Variants in ZNF341 observed in about 807,000 individuals in gnomAD.
ZNF341 encodes zinc finger protein 341.
Under a neutral mutation model 87.7 loss-of-function variants are expected in ZNF341, and 52 were observed. That is an observed-to-expected ratio of 0.59 (90% CI 0.47 to 0.75). The LOEUF is 0.75. ZNF341 is among the 30% of genes least tolerant of loss of function. ZNF341 has a pLI of 0.00. For missense variants in ZNF341, 977 were observed against 1,145.9 expected, an observed-to-expected ratio of 0.85 and a Z score of 2.13; for synonymous variants, 459 against 472.7, an observed-to-expected ratio of 0.97 and a Z score of 0.38.
intron 12 of ZNF341, among the ~76,000 whole-genome samples, chr20:33,784,674 G>A (rs2122734011): frequency 6.6e-6 from 1 of 150,720 alleles, no homozygotes; most frequent in South Asian, 2.1e-4. Context: ...GGAGTGCGGT[G>A]GCAGATCTTG....
intron 4 of ZNF341, 63 bp downstream of exon 4, chr20:33,749,135 T>C: frequency 6.4e-7 from 1 of 1,553,732 alleles, no homozygotes; most frequent in Admixed American, 1.8e-5. Flanking sequence ...CTCCTGCAGA[T>C]TCAGAATCTT....
chr20:33,789,670 G>C, intron 14 of ZNF341, 82 bp downstream of exon 14: 1 of 1,468,552 alleles, frequency 6.8e-7, no homozygotes, highest in Non-Finnish European at 9.5e-7. Context: ...AGAAAGAGCA[G>C]ACATATCCTG....
In ZNF341 at chr20:33,757,264, C is replaced by T. The variant is rs762729020; in HGVS notation, c.858C>T (p.Thr286=). Residue 286 remains threonine (T), a synonymous_variant, in exon 6 of 15, where the codon ACC becomes ACT. Coordinates refer to ENST00000375200, the MANE Select transcript of ZNF341 (RefSeq NM_001282933.2). The part of the protein sequence containing the change: ...PNPAAPMTSA[T]GGTVATFDSP... ...CCGCCGCCCCCATGACCAGCGCCACCGGGGGCACGGTGGCCACCTTTGACT... is the reference window on the plus strand; with the variant it reads ...CCGCCGCCCCCATGACCAGCGCCACTGGGGGCACGGTGGCCACCTTTGACT... 2.6e-5 allele frequency: 42 copies of T among 1,605,884 alleles called. No homozygotes were observed. Among genetic ancestry groups the T allele is most frequent in the East Asian group, 1.4e-4 (6 of 43,922 alleles).
chr20:33,748,288 T>G (rs2018978449), intron 3 of ZNF341, among the ~76,000 whole-genome samples: 1 of 151,952 alleles, frequency 6.6e-6, no homozygotes, highest in Non-Finnish European at 1.5e-5. Context: ...GCCAGGATGG[T>G]CTCGATCTCT....
At position 33,745,265 on chromosome 20, in the gene ZNF341, C is replaced by A; in HGVS notation, c.305C>A (p.Ala102Glu). 6.2e-7 allele frequency: 1 copy of A among 1,614,060 alleles called. No homozygotes were observed. The highest frequency in any genetic ancestry group is 1.1e-5 in the South Asian group (1 of 91,080). The change falls in exon 3 of 15, where the codon GCG becomes GAG. Residue 102 changes from alanine to glutamate, a missense_variant. Physicochemically the swap from Ala to Glu is moderately radical, Grantham distance 107 (BLOSUM62 -1). Coordinates refer to ENST00000375200, the MANE Select transcript of ZNF341 (RefSeq NM_001282933.2). The part of the protein sequence containing the change: ...SIYPPSAAPT[A>E]VQQAPTPANR... The stretch of plus-strand genomic sequence containing the variant: ...TACCCACCTTCGGCAGCACCCACAG[C>A]GGTCCAGCAGGCCCCAACTCCTGCC...
intron 3 of ZNF341, among the ~76,000 whole-genome samples, chr20:33,748,485 C>T (rs2018985444): frequency 6.6e-6 from 1 of 151,998 alleles, no homozygotes; most frequent in Admixed American, 6.6e-5. Context: ...TTTTTAGAGA[C>T]AGAGTCTCTA....
intron 5 of ZNF341, among the ~76,000 whole-genome samples, chr20:33,755,988 C>T (rs1291342057): frequency 2.6e-5 from 4 of 151,924 alleles, no homozygotes; most frequent in South Asian, 4.1e-4. Flanking sequence ...TTTGGGAGCC[C>T]GAGGTGGGTG....
chr20:33,748,892 TCTCA>T (rs1420992843), intron 3 of ZNF341, 27 bp from the exon 4 acceptor site: 13 of 1,589,594 alleles, frequency 8.2e-6, no homozygotes, highest in African/African-American at 1.3e-5. Flanking sequence ...TCTCTCTCCG[TCTCA>T]CTCATTCTCT....
At chr20:33,764,039 T>TTC (rs2019347233) in intron 8 of ZNF341, among the ~76,000 whole-genome samples, 2 of 150,124 alleles carry the variant, frequency 1.3e-5, no homozygotes, top group African/African-American at 4.9e-5. Flanking sequence ...TTTTTTTTTT[T>TTC]TCTGAGACGG....
At position 33,740,929 on chromosome 20, in the gene ZNF341, TC is replaced by T; in HGVS notation, c.61del (p.Gln21SerfsTer49). On this transcript the variant is annotated frameshift_variant, in exon 2 of 15. Transcript: ENST00000375200. LOFTEE classifies it high-confidence loss of function. ...ATGGACAATCAGACCGTTCTGGCTG[TC>T]CAGTCATTATTGGATGGCCAAGGAG... ...EGMDNQTVLA[V>X]QSLLDGQGAV... 1 of 1,614,200 alleles carries T rather than the reference TC, an allele frequency of 6.2e-7. No homozygotes were observed. Among genetic ancestry groups the T allele is most frequent in the Non-Finnish European group, 8.5e-7 (1 of 1,180,044 alleles).
chr20:33,772,615 G>A (rs1048266534), intron 10 of ZNF341, among the ~76,000 whole-genome samples: 1 of 152,210 alleles, frequency 6.6e-6, no homozygotes, highest in African/African-American at 2.4e-5. Context: ...TCTGAACTGA[G>A]TTTTGAAGGA....
chr20:33,747,333 TGGCCGGGCGCGG>T (rs2018949220), intron 3 of ZNF341, among the ~76,000 whole-genome samples: 1 of 150,322 alleles, frequency 6.7e-6, no homozygotes, highest in African/African-American at 2.5e-5. Flanking sequence ...ACAGTCATTT[TGGCCGGGCGCGG>T]TGGCTCACGC....
intron 11 of ZNF341, among the ~76,000 whole-genome samples, 189 bp from the exon 12 acceptor site, chr20:33,783,543 G>T (rs1238262670): frequency 6.6e-6 from 1 of 152,154 alleles, no homozygotes; most frequent in Non-Finnish European, 1.5e-5. Context: ...GGGCAGACAT[G>T]TTTTGTCCGG....
At chr20:33,764,709 T>C (rs2019370164) in intron 8 of ZNF341, among the ~76,000 whole-genome samples, 1 of 150,750 alleles carries the variant, frequency 6.6e-6, no homozygotes, top group African/African-American at 2.4e-5. Flanking sequence ...TAACATATAA[T>C]ATAAAGATTG....
chr20:33,737,005 G>A (rs1484231976), intron 1 of ZNF341, among the ~76,000 whole-genome samples: 1 of 152,176 alleles, frequency 6.6e-6, no homozygotes, highest in Non-Finnish European at 1.5e-5. Flanking sequence ...AGTAAAGGAG[G>A]CACAGAAAGG....
chr20:33,783,924 T>G (rs1044840532), intron 12 of ZNF341, 60 bp downstream of exon 12: 2 of 1,353,810 alleles, frequency 1.5e-6, no homozygotes, highest in African/African-American at 5.1e-5. Context: ...CCCCCTCTCC[T>G]CATGCCTTTC....
intron 6 of ZNF341, among the ~76,000 whole-genome samples, chr20:33,758,395 C>T (rs1161372836): frequency 6.6e-6 from 1 of 152,140 alleles, no homozygotes; most frequent in Non-Finnish European, 1.5e-5. Flanking sequence ...GAGTCCACTG[C>T]AGCTGGATGG....
rs1413847335 is a variant in ZNF341 at position 33,761,971 on chromosome 20, A to G, written c.1138A>G (p.Ser380Gly). The G allele has an allele frequency of 1.2e-6, 2 of 1,608,630 alleles. No individual in the cohort carries two copies. Among genetic ancestry groups the G allele is most frequent in the East Asian group, 4.5e-5 (2 of 44,754 alleles). ...CCACAAGGTGTGGCCTCCAGGACAC[A>G]GTGGTGGCACCGTGTCTCGAAACTC... ...QTHKVWPPGH[S>G]GGTVSRNSVT... Residue 380 changes from serine (S) to glycine (G), a missense_variant, in exon 8 of 15, where the codon AGT becomes GGT. Ser to Gly is a moderately conservative substitution (Grantham distance 56, BLOSUM62 0). Transcript: ENST00000375200.
intron 1 of ZNF341, among the ~76,000 whole-genome samples, chr20:33,736,442 C>T (rs2018686649): frequency 6.6e-6 from 1 of 152,172 alleles, no homozygotes; most frequent in Non-Finnish European, 1.5e-5. Context: ...TTCCCCAAAA[C>T]TAAACTGTCT....
Sources: allele counts gnomAD v4.1 joint callset (sites outside exome capture counted in the v4.1 genomes callset), GRCh38; gene constraint gnomAD v4.1.1; transcripts MANE v1.5; gene names NCBI Gene and HGNC (gene_info 2026-07-23, HGNC 2026-07-21).